Variants in UNC5C observed in about 807,000 individuals in gnomAD.
The protein encoded by UNC5C is unc-5 netrin receptor C.
In UNC5C, 47 loss-of-function variants were observed where a neutral mutation model predicts 99.8. The observed-to-expected ratio is 0.47, with a 90% CI of 0.37 to 0.60. The LOEUF is 0.60. Ranked by LOEUF, UNC5C falls within the 20% of genes least tolerant of loss-of-function variation. The pLI is 0.00. For missense variants in UNC5C, 1,062 were observed against 1,165.9 expected, an observed-to-expected ratio of 0.91 and a Z score of 1.30; for synonymous variants, 487 against 452.2, an observed-to-expected ratio of 1.08 and a Z score of -0.98.
chr4:95,485,000 A>T (rs1172283336), intron 1 of UNC5C, among the ~76,000 whole-genome samples: 3 of 151,926 alleles, frequency 2.0e-5, no homozygotes, highest in African/African-American at 7.2e-5. Context: ...CTATCCAAGC[A>T]TATATAAACT....
chr4:95,510,023 TTTAC>T (rs1722028717), intron 1 of UNC5C, among the ~76,000 whole-genome samples: 1 of 151,924 alleles, frequency 6.6e-6, no homozygotes, highest in Non-Finnish European at 1.5e-5. Context: ...CTCTCCGTAT[TTTAC>T]GTAAGGCACA....
chr4:95,356,193 C>CAAAAAAAAA (rs59097041), intron 1 of UNC5C, among the ~76,000 whole-genome samples: 60 of 57,808 alleles, frequency 1.0e-3, no homozygotes, highest in Non-Finnish European at 1.4e-3. Flanking sequence ...GACCCTGTAG[C>CAAAAAAAAA]AAAAAAAAAA....
intron 10 of UNC5C, among the ~76,000 whole-genome samples, chr4:95,213,218 A>G (rs1273946600): frequency 1.3e-5 from 2 of 152,250 alleles, no homozygotes; most frequent in African/African-American, 4.8e-5. Flanking sequence ...AAAAGGGAAA[A>G]TCAACTTTCA....
At chr4:95,437,270 A>T (rs536220183) in intron 1 of UNC5C, among the ~76,000 whole-genome samples, 2 of 151,798 alleles carry the variant, frequency 1.3e-5, no homozygotes, top group African/African-American at 4.8e-5. Context: ...AAAAATTCAT[A>T]TTTAGATAGT....
chr4:95,414,567 T>C (rs559187496), intron 1 of UNC5C, among the ~76,000 whole-genome samples: 1 of 152,372 alleles, frequency 6.6e-6, no homozygotes, highest in South Asian at 2.1e-4. Context: ...GCTGTTTTTG[T>C]ATTTAACATG....
rs557200524 is a variant in UNC5C, at chr4:95,406,028, C to T, written c.125-70397G>A. On this transcript the variant is annotated intron_variant, in intron 1 of 15. Coordinates refer to ENST00000453304, the MANE Select transcript of UNC5C (RefSeq NM_003728.4). ...CTTGCCAGAGGCCAGGGGTCCAAGG[C>T]GTCTCTGTTTGTTAAAAATGAAGAT... Among the ~76,000 whole-genome samples, 350 of 152,150 alleles carry T rather than the reference C, an allele frequency of 2.3e-3. 2 individuals are homozygous for T. Among genetic ancestry groups the T allele is most frequent in the South Asian group, 6.2e-3 (30 of 4,824 alleles).
intron 1 of UNC5C, among the ~76,000 whole-genome samples, chr4:95,399,179 C>T (rs780392097): frequency 1.8e-4 from 27 of 152,112 alleles, no homozygotes; most frequent in African/African-American, 6.3e-4. Flanking sequence ...AATGCAATCA[C>T]TAGTTTTAAA....
rs1046776028 is a variant in UNC5C at position 95,166,109 on chromosome 4, G to T, written c.*3125C>A. On this transcript the variant is annotated 3_prime_UTR_variant, in exon 16 of 16. Coordinates refer to ENST00000453304, the MANE Select transcript of UNC5C (RefSeq NM_003728.4). ...TATTAAACTCAGGTTAGATTGTGTT[G>T]TACACCACTAGATGGCAGCATGCAC... is the stretch of plus-strand genomic sequence containing the variant. 7.2e-5 allele frequency: 11 copies of T among 152,294 alleles called. No homozygotes were observed. Among genetic ancestry groups the T allele is most frequent in the Non-Finnish European group, 1.6e-4 (11 of 68,020 alleles). The allele number at this position is 152,294 out of a possible 1,614,324, so 9.4% of individuals were successfully genotyped here.
intron 1 of UNC5C, among the ~76,000 whole-genome samples, chr4:95,439,692 G>A (rs564651435): frequency 1.8e-4 from 27 of 152,274 alleles, no homozygotes; most frequent in African/African-American, 6.5e-4. Flanking sequence ...GGGAAAAAAG[G>A]TGTTCTGAGG....
At chr4:95,356,396 A>G (rs1349615506) in intron 1 of UNC5C, among the ~76,000 whole-genome samples, 2 of 152,050 alleles carry the variant, frequency 1.3e-5, no homozygotes, top group Non-Finnish European at 2.9e-5. Context: ...ATCACTTACC[A>G]AAATTTGTTT....
chr4:95,166,831 T>C lies in UNC5C; in HGVS notation c.*2403A>G, dbSNP rs1328503163. On this transcript the variant is annotated 3_prime_UTR_variant, in exon 16 of 16. Transcript: ENST00000453304. ...GTGTGTGTATAACTGCGTGTATATATATTTGATTTTTAATTTAGAATACAG... is the reference window on the plus strand; with the variant it reads ...GTGTGTGTATAACTGCGTGTATATACATTTGATTTTTAATTTAGAATACAG... 6.6e-6 allele frequency: 1 copy of C among 152,186 alleles called. No individual in the cohort carries two copies. Among genetic ancestry groups the C allele is most frequent in the Admixed American group, 6.5e-5 (1 of 15,276 alleles). 9.4% of individuals were successfully genotyped at this position (152,186 alleles called of 1,614,324 possible). A position where few individuals can be genotyped will look rare whatever the true frequency, so the allele number is the denominator to read the frequency against.
At chr4:95,512,272 C>T (rs1025358570) in intron 1 of UNC5C, among the ~76,000 whole-genome samples, 4 of 152,086 alleles carry the variant, frequency 2.6e-5, no homozygotes, top group African/African-American at 9.7e-5. Flanking sequence ...CATACATATT[C>T]ATACACACAG....
At chr4:95,460,661 C>G (rs980806511) in intron 1 of UNC5C, among the ~76,000 whole-genome samples, 1 of 152,200 alleles carries the variant, frequency 6.6e-6, no homozygotes, top group African/African-American at 2.4e-5. Context: ...AACTGTAAGT[C>G]CATTAAACGT....
At chr4:95,450,307 G>A (rs1747245650) in intron 1 of UNC5C, among the ~76,000 whole-genome samples, 1 of 152,172 alleles carries the variant, frequency 6.6e-6, no homozygotes, top group East Asian at 1.9e-4. Context: ...GAGGCCTCAA[G>A]CTCCTGGGCT....
chr4:95,328,062 A>ATTTTTTTTTTTTTTTTTTTTTTTTTAT, intron 2 of UNC5C, among the ~76,000 whole-genome samples: 1 of 86,716 alleles, frequency 1.2e-5, no homozygotes, highest in Non-Finnish European at 2.2e-5. Flanking sequence ...TTTTTTTTTA[A>ATTTTTTTTTTTTTTTTTTTTTTTTTAT]TTTTTTTTTT....
chr4:95,435,481 A>G (rs1746751929), intron 1 of UNC5C, among the ~76,000 whole-genome samples: 1 of 152,098 alleles, frequency 6.6e-6, no homozygotes, highest in Non-Finnish European at 1.5e-5. Context: ...TTTGAGCATG[A>G]CACAAATTTC....
At chr4:95,370,337 CAT>C (rs1744706936) in intron 1 of UNC5C, among the ~76,000 whole-genome samples, 1 of 151,710 alleles carries the variant, frequency 6.6e-6, no homozygotes. Context: ...TTTTAAATTT[CAT>C]ATGTGGTCAT....
intron 1 of UNC5C, among the ~76,000 whole-genome samples, chr4:95,398,411 G>A (rs1745588490): frequency 6.6e-6 from 1 of 151,734 alleles, no homozygotes; most frequent in Non-Finnish European, 1.5e-5. Flanking sequence ...CAGATGCAAT[G>A]CACTAATCTA....
intron 14 of UNC5C, among the ~76,000 whole-genome samples, chr4:95,179,746 CAAA>C (rs33974336): frequency 3.0e-5 from 3 of 98,498 alleles, no homozygotes; most frequent in East Asian, 7.7e-4. Context: ...GACTCCTTCT[CAAA>C]AAAAAAAAAA....
Sources: gnomAD v4.1 joint callset for allele counts (sites outside exome capture counted in the v4.1 genomes callset) on GRCh38, gnomAD v4.1.1 for gene constraint, MANE v1.5 for transcripts, NCBI Gene and HGNC (gene_info 2026-07-23, HGNC 2026-07-21) for gene names.